ADGRV1: variants seen among roughly 807,000 people sequenced by gnomAD.
ADGRV1 encodes the protein adhesion G protein-coupled receptor V1, also known as G-protein coupled receptor 98.
ADGRV1 carries 359 observed loss-of-function variants against 596.2 expected under a neutral mutation model. The ratio of observed to expected loss-of-function variants is 0.60; its 90% CI spans 0.55 to 0.66. The LOEUF (loss-of-function observed/expected upper bound fraction) is 0.66, where lower values mean the gene tolerates loss of function less well. ADGRV1 is among the 30% of genes least tolerant of loss of function. The pLI is 0.00. For missense variants in ADGRV1, 7,274 were observed against 7,575.6 expected (o/e 0.96, Z 1.48); for synonymous variants, 2,681 against 2,679.2 (o/e 1.00, Z -0.02).
intron 78 of ADGRV1, among the ~76,000 whole-genome samples, chr5:90,843,727 A>G (rs1366215945): frequency 6.6e-6 from 1 of 152,188 alleles, no homozygotes. Context: ...AACACAACTA[A>G]TGAGTGTGGG....
At chr5:90,627,854 A>C (rs1764979463) in intron 7 of ADGRV1, 78 bp downstream of exon 7, 3 of 859,174 alleles carry the variant, frequency 3.5e-6, no homozygotes, top group African/African-American at 3.4e-5. Context: ...TGTTGGACAC[A>C]ACAATGAACT....
At chr5:90,593,347 A>G (rs1171451570) in intron 1 of ADGRV1, among the ~76,000 whole-genome samples, 1 of 152,176 alleles carries the variant, frequency 6.6e-6, no homozygotes, top group East Asian at 1.9e-4. Context: ...AAACTATCAC[A>G]AGGACGGAAA....
At chr5:90,643,595 T>A (rs1315208193) in intron 13 of ADGRV1, among the ~76,000 whole-genome samples, 1 of 152,186 alleles carries the variant, frequency 6.6e-6, no homozygotes, top group African/African-American at 2.4e-5. Context: ...CTTTTTCTCT[T>A]TTTGGACAAT....
chr5:90,710,335 A>G (rs994194118), intron 39 of ADGRV1, among the ~76,000 whole-genome samples: 3 of 152,204 alleles, frequency 2.0e-5, no homozygotes, highest in Non-Finnish European at 2.9e-5. Context: ...GTAATATTTT[A>G]AGACTGAAAC....
intron 60 of ADGRV1, among the ~76,000 whole-genome samples, chr5:90,774,538 T>C (rs959010569): frequency 9.2e-5 from 14 of 152,166 alleles, no homozygotes; most frequent in African/African-American, 3.1e-4. Flanking sequence ...GTAATTTTTT[T>C]CTAATGAAGA....
At chr5:91,153,586 A>G (rs1167200563) in intron 89 of ADGRV1, among the ~76,000 whole-genome samples, 188 bp downstream of exon 89, 2 of 152,178 alleles carry the variant, frequency 1.3e-5, no homozygotes. Context: ...AGACAACCTA[A>G]AAATAATTTA....
intron 1 of ADGRV1, among the ~76,000 whole-genome samples, chr5:90,608,275 A>C (rs1410991026): frequency 6.6e-6 from 1 of 152,114 alleles, no homozygotes; most frequent in Admixed American, 6.6e-5. Flanking sequence ...ATAATAAAGG[A>C]AACTTTGTCC....
intron 86 of ADGRV1, among the ~76,000 whole-genome samples, chr5:91,095,324 T>C (rs571433296): frequency 1.8e-4 from 28 of 151,714 alleles, no homozygotes; most frequent in Non-Finnish European, 4.0e-4. Context: ...CTCAGCCTCC[T>C]GAGTAGCTGA....
rs1216758025 is a variant in ADGRV1, at chr5:90,879,452, T to C, written c.17856+15595T>C. On this transcript the variant is annotated intron_variant, in intron 83 of 89. Coordinates refer to ENST00000405460, the MANE Select transcript of ADGRV1 (RefSeq NM_032119.4). ...ATGGAAGTAAAACAGTTATTTTGTT[T>C]AGGTTTAAATTTTTTTAACTTTTAA... Among the ~76,000 whole-genome samples, 3 of 152,192 alleles carry C rather than the reference T, an allele frequency of 2.0e-5. 1 individual carries two copies. Among genetic ancestry groups the C allele is most frequent in the Admixed American group, 2.0e-4 (3 of 15,276 alleles).
At chr5:91,102,995 C>A (rs1288481655) in intron 87 of ADGRV1, among the ~76,000 whole-genome samples, 1 of 152,224 alleles carries the variant, frequency 6.6e-6, no homozygotes, top group Non-Finnish European at 1.5e-5. Context: ...GTGAAACGAT[C>A]TGTCCTAGAC....
chr5:90,726,622 A>C (rs1580892361), intron 48 of ADGRV1, among the ~76,000 whole-genome samples: 1 of 151,054 alleles, frequency 6.6e-6, no homozygotes, highest in East Asian at 2.0e-4. Context: ...CACACTACAC[A>C]AATTTTCCTT....
In ADGRV1 at chr5:90,644,780, A is replaced by C; in HGVS notation, c.2809A>C (p.Thr937Pro). ...ATCATGGGTGGTTAGTCCAGACTTT[A>C]CACAAGATGTATTTCCTGTACAAGG... Reference protein sequence around the residue: ...SVSWVVSPDFTQDVFPVQGTV... With the variant: ...SVSWVVSPDFPQDVFPVQGTV... Residue 937 changes from threonine to proline, a missense_variant, in exon 15 of 90, where the codon ACA becomes CCA. Physicochemically the swap from Thr to Pro is conservative, Grantham distance 38. Transcript: ENST00000405460. 1 of 1,611,476 alleles carries C rather than the reference A, an allele frequency of 6.2e-7. No homozygotes were observed. Among genetic ancestry groups the C allele is most frequent in the Non-Finnish European group, 8.5e-7 (1 of 1,179,092 alleles).
rs538182892 is a variant in ADGRV1 at position 90,714,673 on chromosome 5, A to T, written c.9185-1794A>T. On this transcript the variant is annotated intron_variant, in intron 42 of 89. Transcript: ENST00000405460. The stretch of plus-strand genomic sequence containing the variant: ...CTTCATTTTTCTTCTAAAATGCAGA[A>T]AATAATACCCTCATATCGTACAGAG... Among the ~76,000 whole-genome samples the T allele has an allele frequency of 2.4e-4, 36 of 152,232 alleles. 1 individual carries two copies. The South Asian group carries it at 6.6e-3, about 28-fold the overall frequency.
rs752518561 is a variant in ADGRV1, at chr5:90,653,763, T to C, written c.4189T>C (p.Ser1397Pro). The C allele has an allele frequency of 6.2e-7, 1 of 1,613,200 alleles. No homozygotes were observed. Among genetic ancestry groups the C allele is most frequent in the Non-Finnish European group, 8.5e-7 (1 of 1,179,586 alleles). ...IQTNESHVTLSLHYKTLGSNA... is the reference protein window; with the variant it reads ...IQTNESHVTLPLHYKTLGSNA... ...AACAAACGAATCCCATGTGACACTTTCCCTTCATTATAAAACCTTGGGTTC... is the reference window on the plus strand; with the variant it reads ...AACAAACGAATCCCATGTGACACTTCCCCTTCATTATAAAACCTTGGGTTC... The change falls in exon 20 of 90, where the codon TCC becomes CCC. Residue 1397 changes from serine (S) to proline (P), a missense_variant. Coordinates refer to ENST00000405460, the MANE Select transcript of ADGRV1 (RefSeq NM_032119.4).
chr5:90,927,782 T>C (rs1165764581), intron 83 of ADGRV1, among the ~76,000 whole-genome samples: 3 of 152,196 alleles, frequency 2.0e-5, no homozygotes, highest in Non-Finnish European at 4.4e-5. Flanking sequence ...GTTGTTCCTT[T>C]CCATGTTTAG....
intron 1 of ADGRV1, among the ~76,000 whole-genome samples, chr5:90,594,586 C>G (rs2152002459): frequency 7.3e-6 from 1 of 136,680 alleles, no homozygotes; most frequent in South Asian, 2.4e-4. Context: ...AGCAGATAAA[C>G]AAGTGAACAA....
chr5:90,681,359 T>C lies in ADGRV1; in HGVS notation c.5569T>C (p.Ser1857Pro). 1 of 1,613,912 alleles carries C rather than the reference T, an allele frequency of 6.2e-7. No homozygotes were observed. The highest frequency in any genetic ancestry group is 8.5e-7 in the Non-Finnish European group (1 of 1,179,812). Residue 1857 changes from serine to proline, a missense_variant, in exon 27 of 90, where the codon TCT becomes CCT. Ser to Pro is a moderately conservative substitution (Grantham distance 74). Around this residue, in one of 5 missense-constraint regions of ADGRV1, gnomAD observed 3,643 missense variants for 3,809.2 expected, o/e 0.96. Coordinates refer to ENST00000405460, the MANE Select transcript of ADGRV1 (RefSeq NM_032119.4). Reference protein sequence around the residue: ...ASQILVTIAASDHAHGVFEFS... With the variant: ...ASQILVTIAAPDHAHGVFEFS... ...CCAAATTCTAGTGACAATTGCAGCC[T>C]CTGACCACGCTCATGGCGTATTTGA...
At chr5:90,744,827 G>A (rs1389628573) in intron 50 of ADGRV1, among the ~76,000 whole-genome samples, 2 of 152,126 alleles carry the variant, frequency 1.3e-5, no homozygotes, top group Non-Finnish European at 2.9e-5. Context: ...TTTATTAAAT[G>A]GGTATGGAAA....
At chr5:90,997,964 A>G (rs111909738) in intron 85 of ADGRV1, among the ~76,000 whole-genome samples, 89 of 152,332 alleles carry the variant, frequency 5.8e-4, no homozygotes, top group Non-Finnish European at 1.0e-3. Flanking sequence ...TGTGTGTCTC[A>G]TATGAAGTAG....
Sources: allele counts gnomAD v4.1 joint callset (sites outside exome capture counted in the v4.1 genomes callset), GRCh38; gene constraint gnomAD v4.1.1; regional missense constraint gnomAD v4.1.1; transcripts MANE v1.5; gene names NCBI Gene and HGNC (gene_info 2026-07-23, HGNC 2026-07-21).